Variants in CYP26B1 observed in about 807,000 individuals in gnomAD.
The protein encoded by CYP26B1 is cytochrome P450 26B1.
In CYP26B1, 8 loss-of-function variants were observed where a neutral mutation model predicts 39.1. That is an observed-to-expected ratio of 0.20 (90% confidence interval 0.12 to 0.37). The LOEUF (loss-of-function observed/expected upper bound fraction) is 0.37. Among genes scored for constraint, CYP26B1 ranks in the 10% least tolerant of loss-of-function variants. The pLI is 1.00. For missense variants in CYP26B1, 615 were observed against 707.0 expected, an observed-to-expected ratio of 0.87 and a Z score of 1.48; for synonymous variants, 321 against 314.3, an observed-to-expected ratio of 1.02 and a Z score of -0.23.
rs757803504 is a variant in CYP26B1 at position 72,135,393 on chromosome 2, C to T, written c.456G>A (p.Glu152=). 90 of 1,612,666 alleles carry T rather than the reference C, an allele frequency of 5.6e-5. No homozygotes were observed. The East Asian group carries it at 1.9e-3, about 35-fold the overall frequency. ...TCTTGGGCAGGTAACTCTCCAGGGC[C>T]TCGTGGCTGAAGATCTTGGAGAAGA... is the stretch of plus-strand genomic sequence containing the variant. ...RKVFSKIFSH[E]ALESYLPKIQ... The change falls in exon 3 of 6, where the codon GAG becomes GAA. Residue 152 remains glutamate (E), a synonymous_variant. Coordinates refer to ENST00000001146, the MANE Select transcript of CYP26B1 (RefSeq NM_019885.4).
In CYP26B1 at chr2:72,132,638, C is replaced by T. The variant is rs1334114109; in HGVS notation, c.1147-19G>A. The T allele has an allele frequency of 4.4e-6, 7 of 1,582,866 alleles. No homozygotes were observed. The highest frequency in any genetic ancestry group is 1.8e-5 in the Admixed American group (1 of 54,284). ...GGAAACCCTGGAGCAAGATGGGGGC[C>T]GAGGAGTGGGTGGTGAGAGCCAGAG... On this transcript the variant is annotated intron_variant, in intron 5 of 5. Coordinates refer to ENST00000001146, the MANE Select transcript of CYP26B1 (RefSeq NM_019885.4).
chr2:72,135,020 T>C, intron 3 of CYP26B1, 104 bp from the exon 4 acceptor site: 1 of 1,599,502 alleles, frequency 6.3e-7, no homozygotes, highest in Admixed American at 1.7e-5. Flanking sequence ...CGCTGACACC[T>C]CTCCCCTTTG....
rs923221537 is a variant in CYP26B1 at position 72,139,012 on chromosome 2, G to A, written c.430-3593C>T. ...CGTGCCCTGGGAGGGGAGTTGCTCT[G>A]TGAACCCCATGGCCCTGCGTGCTGC... On this transcript the variant is annotated intron_variant, in intron 2 of 5. Coordinates refer to ENST00000001146, the MANE Select transcript of CYP26B1 (RefSeq NM_019885.4). 5.9e-5 allele frequency among the ~76,000 whole-genome samples: 9 copies of A among 152,316 alleles called. No homozygotes were observed. In the East Asian group the frequency reaches 7.7e-4, roughly 13 times the overall value.
Position 72,136,732 on chromosome 2 carries a change from T to C in CYP26B1, c.430-1313A>G, listed in dbSNP as rs1234890467. Among the ~76,000 whole-genome samples the C allele has an allele frequency of 5.9e-5, 9 of 152,334 alleles. No individual in the cohort carries two copies. In the East Asian group the frequency reaches 9.7e-4, roughly 16 times the overall value. ...GTCCGAGGGAATTTCCAGGGGACTC[T>C]AACTACTGCCTCCCTTCAGAGAGTG... is the stretch of plus-strand genomic sequence containing the variant. On this transcript the variant is annotated intron_variant, in intron 2 of 5. Coordinates refer to ENST00000001146, the MANE Select transcript of CYP26B1 (RefSeq NM_019885.4).
rs1676542147 is a variant in CYP26B1 at position 72,130,750 on chromosome 2, C to T, written c.*1477G>A. ...AGTGGCAGGAGCTACTCCTCTTTCACCCAGTCATCCCGACTGGCCAGTTTT... is the reference window on the plus strand; with the variant it reads ...AGTGGCAGGAGCTACTCCTCTTTCATCCAGTCATCCCGACTGGCCAGTTTT... On this transcript the variant is annotated 3_prime_UTR_variant, in exon 6 of 6. Coordinates refer to ENST00000001146, the MANE Select transcript of CYP26B1 (RefSeq NM_019885.4). 6.6e-6 allele frequency: 1 copy of T among 152,196 alleles called. No homozygotes were observed. The highest frequency in any genetic ancestry group is 6.5e-5 in the Admixed American group (1 of 15,292). 9.4% of individuals were successfully genotyped at this position (152,196 alleles called of 1,614,324 possible).
intron 2 of CYP26B1, among the ~76,000 whole-genome samples, chr2:72,141,293 A>G (rs1273323753): frequency 6.6e-6 from 1 of 152,114 alleles, no homozygotes; most frequent in Non-Finnish European, 1.5e-5. Flanking sequence ...GCTTCCAGAG[A>G]TGATTCTGTT....
intron 2 of CYP26B1, among the ~76,000 whole-genome samples, chr2:72,137,653 G>A (rs924518802): frequency 6.6e-6 from 1 of 152,220 alleles, no homozygotes; most frequent in African/African-American, 2.4e-5. Context: ...GCCCTCTAGC[G>A]ATGGCTGGTT....
intron 2 of CYP26B1, among the ~76,000 whole-genome samples, chr2:72,136,246 G>A (rs1218518690): frequency 2.0e-5 from 3 of 152,196 alleles, no homozygotes; most frequent in Non-Finnish European, 2.9e-5. Context: ...CCTGCTACCA[G>A]CACCAAGCAA....
At chr2:72,143,839 G>C (rs1677031335) in intron 2 of CYP26B1, 150 bp downstream of exon 2, 2 of 980,264 alleles carry the variant, frequency 2.0e-6, no homozygotes, top group Admixed American at 2.0e-5. Flanking sequence ...ATCCGGACTC[G>C]AGGCCTTGTC....
chr2:72,133,125 G>A lies in CYP26B1; in HGVS notation c.1044C>T (p.Leu348=), dbSNP rs1676644542. 2.5e-6 allele frequency: 4 copies of A among 1,612,972 alleles called. No homozygotes were observed. The African/African-American group carries it at 4.0e-5, about 16-fold the overall frequency. ...PCEGTLRLDT[L]SGLRYLDCVI... is the part of the protein sequence containing the mutation. Reference sequence around the variant, plus strand: ...CGCAGTCCAGGTAGCGCAGCCCACTGAGCGTGTCCAGGCGCAGTGTGCCCT... The same window carrying A: ...CGCAGTCCAGGTAGCGCAGCCCACTAAGCGTGTCCAGGCGCAGTGTGCCCT... Residue 348 remains leucine (L), a synonymous_variant, in exon 5 of 6, where the codon CTC becomes CTT. Transcript: ENST00000001146.
chr2:72,141,283 G>A (rs926153524), intron 2 of CYP26B1, among the ~76,000 whole-genome samples: 2 of 152,182 alleles, frequency 1.3e-5, no homozygotes, highest in Non-Finnish European at 2.9e-5. Context: ...CACAGGCCTG[G>A]CTTCCAGAGA....
chr2:72,143,459 C>G (rs1334067215), intron 2 of CYP26B1, among the ~76,000 whole-genome samples: 4 of 150,634 alleles, frequency 2.7e-5, no homozygotes, highest in Non-Finnish European at 5.9e-5. Context: ...GACCCGTGCG[C>G]TCCGCTGCCC....
chr2:72,144,542 C>T (rs1462027222), intron 1 of CYP26B1: 1 of 1,111,934 alleles, frequency 9.0e-7, no homozygotes, highest in African/African-American at 1.6e-5. Context: ...ACCCCCACAC[C>T]CCCACCCCGC....
At chr2:72,146,538 T>C (rs1468881663) in intron 1 of CYP26B1, among the ~76,000 whole-genome samples, 1 of 152,246 alleles carries the variant, frequency 6.6e-6, no homozygotes, top group Non-Finnish European at 1.5e-5. Context: ...AGTGCGTGTG[T>C]GCGCGAGCGC....
chr2:72,143,612 C>T (rs531517054), intron 2 of CYP26B1, among the ~76,000 whole-genome samples: 1 of 152,380 alleles, frequency 6.6e-6, no homozygotes, highest in African/African-American at 2.4e-5. Context: ...TGATCGGTCT[C>T]CAGTCCTCGG....
At chr2:72,136,493 T>C (rs1676781404) in intron 2 of CYP26B1, among the ~76,000 whole-genome samples, 1 of 152,346 alleles carries the variant, frequency 6.6e-6, no homozygotes, top group Middle Eastern at 3.4e-3. Flanking sequence ...GGCCCTTCAG[T>C]GGCCCAGCCA....
intron 1 of CYP26B1, among the ~76,000 whole-genome samples, chr2:72,145,226 A>C (rs1215261301): frequency 6.6e-6 from 1 of 152,202 alleles, no homozygotes; most frequent in Non-Finnish European, 1.5e-5. Context: ...CAGTCCCCCT[A>C]GCCCGGGTTG....
Position 72,132,349 on chromosome 2 carries a change from G to T in CYP26B1, c.1417C>A (p.Arg473Ser), listed in dbSNP as rs61751056. ...RFELATRTFPRITLVPVLHPV... is the reference protein window; with the variant it reads ...RFELATRTFPSITLVPVLHPV... Reference sequence around the variant, plus strand: ...TGCAGGACGGGGACCAAGGTGATGCGGGGGAAGGTCCGTGTGGCCAGCTCA... The same window carrying T: ...TGCAGGACGGGGACCAAGGTGATGCTGGGGAAGGTCCGTGTGGCCAGCTCA... The change falls in exon 6 of 6, where the codon CGC becomes AGC. Residue 473 changes from arginine (R) to serine (S), a missense_variant. Coordinates refer to ENST00000001146, the MANE Select transcript of CYP26B1 (RefSeq NM_019885.4). The T allele has an allele frequency of 1.4e-5, 23 of 1,610,562 alleles. No homozygotes were observed. In the Admixed American group the frequency reaches 3.9e-4, roughly 27 times the overall value.
At chr2:72,144,314 C>A in intron 1 of CYP26B1, 101 bp from the exon 2 acceptor site, 1 of 1,513,848 alleles carries the variant, frequency 6.6e-7, no homozygotes, top group South Asian at 1.3e-5. Context: ...CACCTGCCCC[C>A]TCTCCCCACC....
Sources: allele counts gnomAD v4.1 joint callset (sites outside exome capture counted in the v4.1 genomes callset), GRCh38; gene constraint gnomAD v4.1.1; transcripts MANE v1.5; gene names NCBI Gene and HGNC (gene_info 2026-07-23, HGNC 2026-07-21).